Variants in ITSN2 observed in about 807,000 individuals in gnomAD.
The protein encoded by ITSN2 is intersectin-2.
ITSN2 carries 156 observed loss-of-function variants against 243.7 expected under a neutral mutation model. The ratio of observed to expected loss-of-function variants is 0.64; its 90% CI spans 0.56 to 0.73. The LOEUF (loss-of-function observed/expected upper bound fraction) is 0.73, where lower values mean the gene tolerates loss of function less well. ITSN2 is among the 30% of genes least tolerant of loss of function. The pLI is 0.00. For missense variants in ITSN2, 1,801 were observed against 1,996.1 expected, an observed-to-expected ratio of 0.90 and a Z score of 1.86; for synonymous variants, 703 against 699.9, an observed-to-expected ratio of 1.00 and a Z score of -0.07.
intron 1 of ITSN2, among the ~76,000 whole-genome samples, chr2:24,340,078 G>C (rs113180297): frequency 2.0e-5 from 3 of 151,940 alleles, no homozygotes; most frequent in African/African-American, 7.3e-5. Context: ...AAGCCAAAGA[G>C]ATTAAGTAAC....
rs1458390309 is a variant in ITSN2, at chr2:24,337,317, T to TATATATATATAC, written c.-33-9203_-33-9202insGTATATATATAT. 1.8e-4 allele frequency among the ~76,000 whole-genome samples: 9 copies of TATATATATATAC among 49,174 alleles called. 1 individual carries two copies. Among genetic ancestry groups the TATATATATATAC allele is most frequent in the South Asian group, 1.3e-3 (2 of 1,552 alleles). The allele number at this position is 49,174 out of a possible 152,430, so 32.3% of individuals were successfully genotyped here. A position where few individuals can be genotyped will look rare whatever the true frequency, so the allele number is the denominator to read the frequency against. Reference sequence around the variant, plus strand: ...TGTGTGTGTGTGTGTATACACAAAATATATATATATATATATATATATATA... The same window carrying TATATATATATAC: ...TGTGTGTGTGTGTGTATACACAAAATATATATATATACATATATATATATATATATATATATA... On this transcript the variant is annotated intron_variant, in intron 1 of 39. Transcript: ENST00000355123.
At chr2:24,337,420 G>A (rs1429143809) in intron 1 of ITSN2, among the ~76,000 whole-genome samples, 3 of 141,738 alleles carry the variant, frequency 2.1e-5, no homozygotes, top group African/African-American at 7.8e-5. Context: ...GCATGATCTC[G>A]GCTCACTGCA....
chr2:24,334,188 A>G (rs1686094108), intron 1 of ITSN2, among the ~76,000 whole-genome samples: 1 of 152,052 alleles, frequency 6.6e-6, no homozygotes, highest in Non-Finnish European at 1.5e-5. Flanking sequence ...CCTCCCAAGT[A>G]GCTGGGATTA....
chr2:24,274,747 A>C (rs1039825593), intron 18 of ITSN2, among the ~76,000 whole-genome samples: 8 of 152,210 alleles, frequency 5.3e-5, no homozygotes, highest in African/African-American at 1.7e-4. Flanking sequence ...TTAAGAATAG[A>C]GGCCTGCCAA....
chr2:24,242,112 T>C (rs1672800863), intron 29 of ITSN2: 1 of 152,572 alleles, frequency 6.6e-6, no homozygotes, highest in African/African-American at 2.4e-5. Context: ...GTAGGAGATA[T>C]TTGATCAGGG....
intron 18 of ITSN2, 25 bp from the exon 19 acceptor site, chr2:24,271,966 GTA>G: frequency 1.5e-6 from 2 of 1,358,908 alleles, no homozygotes; most frequent in Non-Finnish European, 2.0e-6. Context: ...AAAAGAGTTT[GTA>G]TAATGTCCTA....
At chr2:24,320,175 G>T (rs1461425108) in intron 2 of ITSN2, among the ~76,000 whole-genome samples, 1 of 151,390 alleles carries the variant, frequency 6.6e-6, no homozygotes, top group African/African-American at 2.4e-5. Flanking sequence ...TCAGGAGTTT[G>T]AGACCAGCCT....
chr2:24,330,660 G>A, intron 1 of ITSN2: 1 of 730,760 alleles, frequency 1.4e-6, no homozygotes. Context: ...TGAAAGTGCT[G>A]GAGATGCCAA....
intron 29 of ITSN2, among the ~76,000 whole-genome samples, chr2:24,228,783 C>T (rs531813192): frequency 6.6e-6 from 1 of 152,224 alleles, no homozygotes; most frequent in Admixed American, 6.5e-5. Flanking sequence ...ATAGAAAATA[C>T]ATAATAAAAT....
chr2:24,293,422 T>C (rs768768711), intron 15 of ITSN2: 15 of 228,342 alleles, frequency 6.6e-5, no homozygotes, highest in Non-Finnish European at 1.2e-4. Flanking sequence ...TAACACTTTA[T>C]TTGATGTTTC....
At chr2:24,279,730 T>C (rs1458630125) in intron 17 of ITSN2, among the ~76,000 whole-genome samples, 2 of 140,720 alleles carry the variant, frequency 1.4e-5, no homozygotes, top group South Asian at 2.5e-4. Context: ...AATTTTCTTT[T>C]TTTTTTTTTT....
chr2:24,235,545 T>C (rs1672067110), intron 29 of ITSN2, among the ~76,000 whole-genome samples: 1 of 152,076 alleles, frequency 6.6e-6, no homozygotes, highest in Non-Finnish European at 1.5e-5. Context: ...GTGGGGGTTG[T>C]TGTTAATGGG....
intron 25 of ITSN2, among the ~76,000 whole-genome samples, chr2:24,252,103 G>GAA (rs1674413320): frequency 6.6e-6 from 1 of 152,072 alleles, no homozygotes; most frequent in African/African-American, 2.4e-5. Context: ...TACAACTCTT[G>GAA]TTCTTAGAAT....
chr2:24,216,293 G>T, intron 31 of ITSN2, 61 bp from the exon 32 acceptor site: 2 of 1,362,246 alleles, frequency 1.5e-6, no homozygotes, highest in Non-Finnish European at 2.0e-6. Context: ...ATTAAAGGAT[G>T]AATCCCATGG....
At chr2:24,303,637 T>G (rs1483683125) in intron 9 of ITSN2, among the ~76,000 whole-genome samples, 162 bp downstream of exon 9, 1 of 152,258 alleles carries the variant, frequency 6.6e-6, no homozygotes, top group Non-Finnish European at 1.5e-5. Context: ...CAATTACATT[T>G]GCCTCCAAGC....
chr2:24,274,769 T>C (rs1054166897), intron 18 of ITSN2, among the ~76,000 whole-genome samples: 1 of 152,230 alleles, frequency 6.6e-6, no homozygotes, highest in Non-Finnish European at 1.5e-5. Context: ...TGGTAATGTG[T>C]CTTCCTTGCC....
At chr2:24,320,207 T>G (rs894709856) in intron 2 of ITSN2, among the ~76,000 whole-genome samples, 1 of 38,336 alleles carries the variant, frequency 2.6e-5, no homozygotes, top group Admixed American at 3.2e-4. Flanking sequence ...TGAGACCCCA[T>G]CTCTACAAAA....
At position 24,212,677 on chromosome 2, in the gene ITSN2, G is replaced by A; in HGVS notation, c.4062C>T (p.Ile1354=). 2.5e-6 allele frequency: 4 copies of A among 1,613,060 alleles called. No homozygotes were observed. Among genetic ancestry groups the A allele is most frequent in the Non-Finnish European group, 3.4e-6 (4 of 1,179,638 alleles). Residue 1354 remains isoleucine, a synonymous_variant, in exon 33 of 40, where the codon ATC becomes ATT. Transcript: ENST00000355123. ...SSFLLKPMQR[I]TRYPLLIRSI... Reference sequence around the variant, plus strand: ...TTCTGATGAGCAGTGGGTAGCGGGTGATCCTCTGCATGGGTTTCAGCAGGA... The same window carrying A: ...TTCTGATGAGCAGTGGGTAGCGGGTAATCCTCTGCATGGGTTTCAGCAGGA...
intron 21 of ITSN2, 113 bp from the exon 22 acceptor site, chr2:24,261,363 G>T: frequency 1.1e-6 from 1 of 925,438 alleles, no homozygotes; most frequent in Non-Finnish European, 1.6e-6. Flanking sequence ...CAATTTGTGG[G>T]AAAAGAAATA....
Sources: gnomAD v4.1 joint callset for allele counts (sites outside exome capture counted in the v4.1 genomes callset) on GRCh38, gnomAD v4.1.1 for gene constraint, MANE v1.5 for transcripts, NCBI Gene and HGNC (gene_info 2026-07-23, HGNC 2026-07-21) for gene names.